KRABD3: variants seen among roughly 807,000 people sequenced by gnomAD.
KRABD3 encodes KRAB domain containing 3.
the KRABD3 span, chr7:149,721,336 T>C: frequency 1.9e-6 from 3 of 1,546,050 alleles, no homozygotes; most frequent in Middle Eastern, 2.4e-4. Context: ...GTGACAATGT[T>C]AGGGGCATCT....
chr7:149,715,408 G>T, the KRABD3 span: 16 of 1,044,628 alleles, frequency 1.5e-5, no homozygotes, highest in Non-Finnish European at 1.8e-5. Context: ...GGCTGGGGAC[G>T]TGGAAATGGG....
At chr7:149,715,605 T>TGGTGCTGATACCA in the KRABD3 span, among the ~76,000 whole-genome samples, 1 of 152,200 alleles carries the variant, frequency 6.6e-6, no homozygotes, top group African/African-American at 2.4e-5. Context: ...ATCAGGTATC[T>TGGTGCTGATACCA]GGTGCTGATA....
the KRABD3 span, chr7:149,728,426 C>A: frequency 7.2e-7 from 1 of 1,393,122 alleles, no homozygotes; most frequent in Non-Finnish European, 9.8e-7. Flanking sequence ...ACCCCTGTGA[C>A]CCCCCTTCCC....
chr7:149,734,234 G>T, the KRABD3 span: 2 of 724,826 alleles, frequency 2.8e-6, 1 homozygote, highest in South Asian at 4.0e-5. Context: ...AGGCTGCTGT[G>T]GGGGTGCCTT....
At chr7:149,719,522 C>T in the KRABD3 span, 2 of 1,532,774 alleles carry the variant, frequency 1.3e-6, no homozygotes, top group South Asian at 1.2e-5. This position sits in a 1 kb window ranked among gnomAD's most constrained non-coding sequence, Gnocchi z 5.6. Flanking sequence ...GAACAACCAA[C>T]CCCCCCGGAG....
the KRABD3 span, chr7:149,725,638 C>T: frequency 3.7e-5 from 32 of 871,664 alleles, no homozygotes; most frequent in Admixed American, 2.6e-4. Context: ...CCCAAACAGC[C>T]GCCCGCATGT....
chr7:149,725,861 G>A, the KRABD3 span: 1 of 1,512,940 alleles, frequency 6.6e-7, no homozygotes. Context: ...GCCTCCTGGT[G>A]ACCACAACTG....
chr7:149,720,710 C>G, the KRABD3 span: 3 of 1,003,596 alleles, frequency 3.0e-6, no homozygotes, highest in Non-Finnish European at 4.3e-6. Context: ...GACATGGTGT[C>G]TCCTCTGGCT....
the KRABD3 span, chr7:149,728,582 G>A: frequency 1.2e-6 from 2 of 1,613,792 alleles, no homozygotes; most frequent in East Asian, 2.2e-5. Flanking sequence ...GGAGATACCT[G>A]TGCCTGTGCT....
At chr7:149,721,828 C>T in the KRABD3 span, 11 of 582,256 alleles carry the variant, frequency 1.9e-5, no homozygotes, top group East Asian at 7.5e-5. Context: ...TGCAGGCCCA[C>T]GGCCAGCAGC....
At chr7:149,729,598 C>T in the KRABD3 span, 1 of 985,422 alleles carries the variant, frequency 1.0e-6, no homozygotes, top group Non-Finnish European at 1.2e-6. Context: ...TGTGTCCATC[C>T]ATTGGGTTTC....
At chr7:149,719,968 C>A in the KRABD3 span, 1 of 1,526,746 alleles carries the variant, frequency 6.5e-7, no homozygotes. This position sits in a 1 kb window ranked among gnomAD's most constrained non-coding sequence, Gnocchi z 5.6. Context: ...AAGCGGAGAC[C>A]ACTCCATTCC....
At chr7:149,721,279 TG>T in the KRABD3 span, 1 of 1,389,484 alleles carries the variant, frequency 7.2e-7, no homozygotes, top group Non-Finnish European at 9.7e-7. Flanking sequence ...GCTGACATCC[TG>T]GTCATTGTTA....
At chr7:149,720,189 T>C in the KRABD3 span, 2 of 1,535,584 alleles carry the variant, frequency 1.3e-6, no homozygotes. Flanking sequence ...CCCCAGGCAA[T>C]GCGTGACCTC....
the KRABD3 span, chr7:149,725,846 A>G: frequency 3.4e-6 from 5 of 1,477,738 alleles, no homozygotes; most frequent in Admixed American, 9.7e-5. Context: ...TCTCTTCTCC[A>G]GTGAGCCTCC....
the KRABD3 span, among the ~76,000 whole-genome samples, chr7:149,718,990 C>T: frequency 6.6e-6 from 1 of 152,186 alleles, no homozygotes; most frequent in East Asian, 1.9e-4. Context: ...TTCTCTAAAC[C>T]CAGCACACAA....
chr7:149,724,784 T>C, the KRABD3 span: 1 of 1,589,698 alleles, frequency 6.3e-7, no homozygotes, highest in East Asian at 2.3e-5. Context: ...AGGCAGCCCC[T>C]CAGTCCCTCA....
At chr7:149,732,729 G>C in the KRABD3 span, among the ~76,000 whole-genome samples, 7 of 152,208 alleles carry the variant, frequency 4.6e-5, no homozygotes, top group African/African-American at 1.7e-4. The surrounding 1 kb of genome is among the most constrained non-coding windows in gnomAD (Gnocchi z 4.0). Flanking sequence ...AGAGCACTGA[G>C]TTCTGGAGTG....
chr7:149,729,838 G>T, the KRABD3 span: 1 of 985,438 alleles, frequency 1.0e-6, no homozygotes, highest in Non-Finnish European at 1.2e-6. Context: ...CACCTGCCTG[G>T]TGGGAGAAGC....
Sources: gnomAD v4.1 joint callset for allele counts (sites outside exome capture counted in the v4.1 genomes callset) on GRCh38, gnomAD v4.1.1 for gene constraint, Gnocchi (gnomAD v3.1) non-coding constraint, MANE v1.5 for transcripts, NCBI Gene and HGNC (gene_info 2026-07-23, HGNC 2026-07-21) for gene names.